SKI: variants seen among roughly 807,000 people sequenced by gnomAD.
The protein encoded by SKI is SKI proto-oncogene, also known as ski oncogene.
In SKI, 23 loss-of-function variants were observed where a neutral mutation model predicts 59.3. The ratio of observed to expected loss-of-function variants is 0.39; its 90% CI spans 0.28 to 0.55. The LOEUF (loss-of-function observed/expected upper bound fraction) is 0.55. Ranked by LOEUF, SKI falls within the 20% of genes least tolerant of loss-of-function variation. The pLI, the probability that SKI is intolerant of heterozygous loss-of-function variation, is 0.67. For synonymous variants in SKI, 673 were observed against 488.6 expected, an observed-to-expected ratio of 1.38 and a Z score of -4.98; for missense variants, 1,017 against 1,038.9, an observed-to-expected ratio of 0.98 and a Z score of 0.29.
chr1:2,228,731 C>T lies in SKI; in HGVS notation c.-36C>T. The T allele has an allele frequency of 9.6e-7, 1 of 1,041,134 alleles. No individual in the cohort carries two copies. Among genetic ancestry groups the T allele is most frequent in the Non-Finnish European group, 1.2e-6 (1 of 867,144 alleles). The allele number at this position is 1,041,134 out of a possible 1,614,324, so 64.5% of individuals were successfully genotyped here. A position where few individuals can be genotyped will look rare whatever the true frequency, so the allele number is the denominator to read the frequency against. ...CGGGGGCCGGGGGGGCCCGGGCGCG[C>T]GGGAGCGGGAGCGGCCGGGGGAGCC... On this transcript the variant is annotated 5_prime_UTR_variant, in exon 1 of 7. Transcript: ENST00000378536.
chr1:2,233,000 T>C (rs986637159), intron 1 of SKI, among the ~76,000 whole-genome samples: 1 of 152,168 alleles, frequency 6.6e-6, no homozygotes, highest in African/African-American at 2.4e-5. Context: ...TTGGACTACA[T>C]TTTTTTGTCA....
intron 1 of SKI, among the ~76,000 whole-genome samples, chr1:2,292,961 C>T (rs1264901064): frequency 2.0e-5 from 3 of 152,234 alleles, no homozygotes; most frequent in Non-Finnish European, 4.4e-5. Flanking sequence ...CCGTGGACTT[C>T]CTCCAGTCTC....
chr1:2,233,323 C>T (rs1020765273), intron 1 of SKI, among the ~76,000 whole-genome samples: 5 of 151,840 alleles, frequency 3.3e-5, no homozygotes, highest in Non-Finnish European at 7.4e-5. Flanking sequence ...CCGAGGGGGC[C>T]GGGCGTCCTG....
At chr1:2,260,959 G>T (rs1203229969) in intron 1 of SKI, among the ~76,000 whole-genome samples, 1 of 152,154 alleles carries the variant, frequency 6.6e-6, no homozygotes, top group Non-Finnish European at 1.5e-5. Flanking sequence ...GTATATTTAG[G>T]TCTGTGATCC....
rs1222019511 is a variant in SKI at position 2,228,326 on chromosome 1, C to T, written c.-441C>T. 7.0e-6 allele frequency among the ~76,000 whole-genome samples: 1 copy of T among 142,874 alleles called. No individual in the cohort carries two copies. Among genetic ancestry groups the T allele is most frequent in the Non-Finnish European group, 1.6e-5 (1 of 64,514 alleles). The allele number at this position is 142,874 out of a possible 152,430, so 93.7% of individuals were successfully genotyped here. A position where few individuals can be genotyped will look rare whatever the true frequency, so the allele number is the denominator to read the frequency against. ...CCCCGCGCCCGCGCCCCCGCTCCTC[C>T]CGGGCCCCTCGGCCTCGGCCGCCGC... On this transcript the variant is annotated 5_prime_UTR_variant, in exon 1 of 7. Coordinates refer to ENST00000378536, the MANE Select transcript of SKI (RefSeq NM_003036.4).
rs889248064 is a variant in SKI at position 2,245,031 on chromosome 1, C to T, written c.969+15296C>T. ...CAGCTAAAACTGTAAAGCAAATTCA[C>T]GCTGCTGTTCACCCACCTTCCCAGG... On this transcript the variant is annotated intron_variant, in intron 1 of 6. Transcript: ENST00000378536. Among the ~76,000 whole-genome samples, 7 of 152,310 alleles carry T rather than the reference C, an allele frequency of 4.6e-5. No homozygotes were observed. In the South Asian group the frequency reaches 8.3e-4, roughly 18 times the overall value.
At chr1:2,306,528 CG>C in intron 6 of SKI, 48 bp from the exon 7 acceptor site, 1 of 1,517,468 alleles carries the variant, frequency 6.6e-7, no homozygotes. Flanking sequence ...AGCGTCGGGC[CG>C]GGGCAGGGCA....
intron 1 of SKI, among the ~76,000 whole-genome samples, chr1:2,296,112 C>T (rs1406465969): frequency 6.6e-6 from 1 of 151,928 alleles, no homozygotes; most frequent in African/African-American, 2.4e-5. Flanking sequence ...AGGCCAGGCG[C>T]TCATGCCTGT....
At chr1:2,234,581 G>C (rs1011739867) in intron 1 of SKI, among the ~76,000 whole-genome samples, 1 of 152,216 alleles carries the variant, frequency 6.6e-6, no homozygotes, top group African/African-American at 2.4e-5. Flanking sequence ...CTTAGGTTAG[G>C]CCTTCACTGC....
intron 1 of SKI, among the ~76,000 whole-genome samples, chr1:2,287,081 C>T (rs907116059): frequency 6.6e-6 from 1 of 152,068 alleles, no homozygotes; most frequent in African/African-American, 2.4e-5. Context: ...GAGTGTCCAG[C>T]TGCAGGCCCC....
At chr1:2,271,521 C>A (rs887224171) in intron 1 of SKI, among the ~76,000 whole-genome samples, 9 of 152,160 alleles carry the variant, frequency 5.9e-5, no homozygotes, top group African/African-American at 2.2e-4. Context: ...TGGCAGGTTC[C>A]GCGGAGTGCC....
intron 1 of SKI, among the ~76,000 whole-genome samples, chr1:2,294,801 T>C (rs1640247059): frequency 6.6e-6 from 1 of 152,152 alleles, no homozygotes; most frequent in Admixed American, 6.5e-5. Context: ...GCCAGTCTCC[T>C]GGCACCTGGG....
intron 1 of SKI, among the ~76,000 whole-genome samples, chr1:2,245,992 C>T (rs545512605): frequency 6.5e-4 from 99 of 151,820 alleles, no homozygotes; most frequent in African/African-American, 2.3e-3. Context: ...AGACGGGTTT[C>T]GCCACGTTGG....
chr1:2,245,756 G>A (rs993333468), intron 1 of SKI, among the ~76,000 whole-genome samples: 2 of 144,504 alleles, frequency 1.4e-5, no homozygotes, highest in African/African-American at 5.2e-5. Flanking sequence ...GATTACAAGC[G>A]TCAGCCACTG....
At chr1:2,305,870 A>G in intron 5 of SKI, 150 bp from the exon 6 acceptor site, 1 of 705,080 alleles carries the variant, frequency 1.4e-6, no homozygotes, top group Non-Finnish European at 2.5e-6. Context: ...GGGGCACCAC[A>G]CGGGTTGGGC....
At chr1:2,272,638 C>T (rs1328875108) in intron 1 of SKI, among the ~76,000 whole-genome samples, 1 of 152,228 alleles carries the variant, frequency 6.6e-6, no homozygotes, top group Non-Finnish European at 1.5e-5. Context: ...TTGCCAAGAA[C>T]CCCTGAAATT....
At chr1:2,247,560 C>T (rs4648818) in intron 1 of SKI, among the ~76,000 whole-genome samples, 51,291 of 152,156 alleles carry the variant, frequency 0.34, 9,147 homozygotes, top group Admixed American at 0.44. Flanking sequence ...GTGGTGGACC[C>T]GGGGCAAGGG....
chr1:2,238,545 C>G (rs936022167), intron 1 of SKI, among the ~76,000 whole-genome samples: 4 of 152,240 alleles, frequency 2.6e-5, no homozygotes, highest in African/African-American at 9.6e-5. Flanking sequence ...AGAGGTGGCA[C>G]AAGCCCGGGG....
rs1557806444 is a variant in SKI at position 2,228,948 on chromosome 1, C to T, written c.182C>T (p.Pro61Leu). The change falls in exon 1 of 7, where the codon CCG (proline) becomes CTG (leucine). Residue 61 changes from proline (P) to leucine (L), a missense_variant. Coordinates refer to ENST00000378536, the MANE Select transcript of SKI (RefSeq NM_003036.4). ...SAKEAGAAAV[P>L]APVPAATEPP... ...AAGGAGGCGGGCGCGGCCGCGGTGC[C>T]GGCGCCGGTGCCCGCAGCCACCGAG... 9 of 1,396,328 alleles carry T rather than the reference C, an allele frequency of 6.4e-6. No individual in the cohort carries two copies. Among genetic ancestry groups the T allele is most frequent in the South Asian group, 1.5e-5 (1 of 68,508 alleles). 86.5% of individuals were successfully genotyped at this position (1,396,328 alleles called of 1,614,324 possible). A position where few individuals can be genotyped will look rare whatever the true frequency, so the allele number is the denominator to read the frequency against.
Sources: allele counts gnomAD v4.1 joint callset (sites outside exome capture counted in the v4.1 genomes callset), GRCh38; gene constraint gnomAD v4.1.1; transcripts MANE v1.5; gene names NCBI Gene and HGNC (gene_info 2026-07-23, HGNC 2026-07-21).